SYT17: variants seen among roughly 807,000 people sequenced by gnomAD.
SYT17 encodes the protein synaptotagmin-17.
SYT17 carries 22 observed loss-of-function variants against 46.7 expected under a neutral mutation model. That is an observed-to-expected ratio of 0.47 (90% CI 0.34 to 0.67). The LOEUF (loss-of-function observed/expected upper bound fraction) is 0.67, where lower values mean the gene tolerates loss of function less well. Ranked by LOEUF, SYT17 falls within the 30% of genes least tolerant of loss-of-function variation. The pLI is 0.01. For synonymous variants in SYT17, 251 were observed against 248.4 expected (o/e 1.01, Z -0.10); for missense variants, 519 against 612.8 (o/e 0.85, Z 1.62).
rs1167888004 is a variant in SYT17, at chr16:19,168,292, C to T, written c.-355C>T. The stretch of plus-strand genomic sequence containing the variant: ...CGCCTGCGCTGGGGTCGCTGCAGTC[C>T]CCGCAGCTGCCCCGGGCTGCTTGCC... On this transcript the variant is annotated 5_prime_UTR_variant, in exon 1 of 8. Transcript: ENST00000355377. The surrounding 1 kb of genome is among the most constrained non-coding windows in gnomAD (Gnocchi z 6.9). 1 of 313,266 alleles carries T rather than the reference C, an allele frequency of 3.2e-6. No homozygotes were observed. The highest frequency in any genetic ancestry group is 5.9e-6 in the Non-Finnish European group (1 of 170,256). The allele number at this position is 313,266 out of a possible 1,614,324, so 19.4% of individuals were successfully genotyped here.
At chr16:19,266,607 C>T (rs559419134) in intron 7 of SYT17, among the ~76,000 whole-genome samples, 1 of 152,190 alleles carries the variant, frequency 6.6e-6, no homozygotes, top group African/African-American at 2.4e-5. Flanking sequence ...GCAGAAGGAA[C>T]AGCCAATGCC....
At chr16:19,170,318 T>C (rs1406613907) in intron 1 of SYT17, 3 of 152,058 alleles carry the variant, frequency 2.0e-5, no homozygotes, top group South Asian at 2.1e-4. Flanking sequence ...TTTTTTTTTT[T>C]CAACCTTTTA....
intron 2 of SYT17, 136 bp downstream of exon 2, chr16:19,172,913 A>C (rs779926615): frequency 1.0e-4 from 117 of 1,123,498 alleles, no homozygotes; most frequent in African/African-American, 3.1e-5. Context: ...CACAGTTTCC[A>C]TTCCTTTCTA....
At chr16:19,254,614 C>G (rs1023202957) in intron 7 of SYT17, among the ~76,000 whole-genome samples, 1 of 152,218 alleles carries the variant, frequency 6.6e-6, no homozygotes, top group African/African-American at 2.4e-5. Flanking sequence ...CTTCTGCAGG[C>G]CTTACCTCAT....
intron 3 of SYT17, among the ~76,000 whole-genome samples, chr16:19,176,866 C>T (rs529701184): frequency 1.3e-5 from 2 of 152,204 alleles, no homozygotes; most frequent in South Asian, 2.1e-4. Flanking sequence ...ATCTCAACTC[C>T]ACACACACCT....
rs115290167 is a variant in SYT17, at chr16:19,228,431, C to T, written c.1228+3593C>T. Among the ~76,000 whole-genome samples the T allele has an allele frequency of 6.4e-3, 976 of 152,260 alleles. 8 individuals are homozygous for T. The highest frequency in any genetic ancestry group is 0.022 in the African/African-American group (905 of 41,534). On this transcript the variant is annotated intron_variant, in intron 7 of 7. Coordinates refer to ENST00000355377, the MANE Select transcript of SYT17 (RefSeq NM_016524.4). ...ATTCTTTCTGGAGAAGGAAGCATTG[C>T]CTGCCTGCCCCCTTAAATCAGGGAT...
At chr16:19,169,051 G>A (rs889819286) in intron 1 of SYT17, among the ~76,000 whole-genome samples, 1 of 151,938 alleles carries the variant, frequency 6.6e-6, no homozygotes, top group African/African-American at 2.4e-5. Context: ...TTGCCGTGGT[G>A]ACGGCTCCGG....
At position 19,173,507 on chromosome 16, in the gene SYT17, C is replaced by G; in HGVS notation, c.111C>G (p.Ser37=). 1 of 1,613,900 alleles carries G rather than the reference C, an allele frequency of 6.2e-7. No homozygotes were observed. Among genetic ancestry groups the G allele is most frequent in the South Asian group, 1.1e-5 (1 of 91,056 alleles). ...ACTGCTGTCAGAAGTGCTACGAGTCCAGCTGTTGCCAGTCAAGTGAGGATG... is the reference window on the plus strand; with the variant it reads ...ACTGCTGTCAGAAGTGCTACGAGTCGAGCTGTTGCCAGTCAAGTGAGGATG... ...CRHCCQKCYE[S]SCCQSSEDEV... The change falls in exon 3 of 8, where the codon TCC becomes TCG. Residue 37 remains serine, a synonymous_variant. Coordinates refer to ENST00000355377, the MANE Select transcript of SYT17 (RefSeq NM_016524.4).
rs1477355081 is a variant in SYT17 at position 19,266,947 on chromosome 16, A to AG, written c.1298dup (p.Ser435LeufsTer2). The AG allele has an allele frequency of 1.9e-6, 3 of 1,613,682 alleles. No homozygotes were observed. The highest frequency in any genetic ancestry group is 2.5e-6 in the Non-Finnish European group (3 of 1,179,972). ...GGATCGTCATTGGCCAGTACTCTTC[A>AG]GGCCCCTCTGAGACCAACCACTGGA... On this transcript the variant is annotated frameshift_variant, in exon 8 of 8. Transcript: ENST00000355377. LOFTEE classifies it high-confidence loss of function.
intron 5 of SYT17, among the ~76,000 whole-genome samples, chr16:19,192,622 C>G (rs756124661): frequency 2.6e-5 from 4 of 152,012 alleles, no homozygotes; most frequent in African/African-American, 9.7e-5. Flanking sequence ...CAAGAAGTAC[C>G]GGTGCCAGTT....
rs1337265195 is a variant in SYT17, at chr16:19,204,357, A to T, written c.952-18688A>T. Among the ~76,000 whole-genome samples, 3 of 152,090 alleles carry T rather than the reference A, an allele frequency of 2.0e-5. No individual in the cohort carries two copies. In the East Asian group the frequency reaches 5.8e-4, roughly 29 times the overall value. On this transcript the variant is annotated intron_variant, in intron 5 of 7. Transcript: ENST00000355377. Reference sequence around the variant, plus strand: ...CTTAGATGTGGTGGGGGAGGGATCCAGGAGTGATTTTGGACAGGCATGGGG... The same window carrying T: ...CTTAGATGTGGTGGGGGAGGGATCCTGGAGTGATTTTGGACAGGCATGGGG...
intron 7 of SYT17, among the ~76,000 whole-genome samples, chr16:19,258,223 G>GAGCC (rs777191990): frequency 3.1e-4 from 47 of 152,236 alleles, no homozygotes; most frequent in Non-Finnish European, 4.9e-4. Flanking sequence ...GCTGTAAAAT[G>GAGCC]AGCCAGTGAA....
chr16:19,242,761 TCAAG>T (rs1451819346), intron 7 of SYT17, among the ~76,000 whole-genome samples: 2 of 152,238 alleles, frequency 1.3e-5, no homozygotes, highest in African/African-American at 4.8e-5. Flanking sequence ...ACTCCTGGGC[TCAAG>T]CAATCTGCCC....
At chr16:19,250,209 A>T (rs2142994672) in intron 7 of SYT17, 2 of 916,126 alleles carry the variant, frequency 2.2e-6, no homozygotes, top group East Asian at 6.0e-5. Context: ...TGTAATGAAC[A>T]TTTTGCTGTT....
At chr16:19,197,261 C>A (rs1965284414) in intron 5 of SYT17, among the ~76,000 whole-genome samples, 1 of 152,244 alleles carries the variant, frequency 6.6e-6, no homozygotes, top group Admixed American at 6.5e-5. Flanking sequence ...TCTTACAAAG[C>A]AGCCATTAAC....
chr16:19,181,999 CAA>C (rs371941934), intron 4 of SYT17, among the ~76,000 whole-genome samples: 23 of 81,864 alleles, frequency 2.8e-4, no homozygotes, highest in Non-Finnish European at 3.2e-4. Flanking sequence ...AACTCTGTCT[CAA>C]AAAAAAAAAA....
chr16:19,195,227 G>A (rs1234063677), intron 5 of SYT17, among the ~76,000 whole-genome samples: 1 of 152,160 alleles, frequency 6.6e-6, no homozygotes, highest in African/African-American at 2.4e-5. Context: ...CCATTTTATA[G>A]ATGAAGAAAC....
In SYT17 at chr16:19,168,746, C is replaced by A. The variant is rs915972944; in HGVS notation, c.15+85C>A. The stretch of plus-strand genomic sequence containing the variant: ...GGCTGGGAGCGCGCGGAAGGGAGGG[C>A]CCACGGCTAGGCTCCCACAAACTTG... On this transcript the variant is annotated intron_variant, in intron 1 of 7. Transcript: ENST00000355377. This position sits in a 1 kb window ranked among gnomAD's most constrained non-coding sequence, Gnocchi z 6.9. 1.0e-4 allele frequency: 142 copies of A among 1,393,910 alleles called. 1 individual carries two copies. Among genetic ancestry groups the A allele is most frequent in the Admixed American group, 6.7e-4 (22 of 32,974 alleles). 86.3% of individuals were successfully genotyped at this position (1,393,910 alleles called of 1,614,324 possible). A position where few individuals can be genotyped will look rare whatever the true frequency, so the allele number is the denominator to read the frequency against.
At chr16:19,202,497 C>T (rs1255591691) in intron 5 of SYT17, among the ~76,000 whole-genome samples, 1 of 152,172 alleles carries the variant, frequency 6.6e-6, no homozygotes, top group Non-Finnish European at 1.5e-5. Context: ...TTCTGAATCC[C>T]TTCATTTAGG....
Sources: gnomAD v4.1 joint callset for allele counts (sites outside exome capture counted in the v4.1 genomes callset) on GRCh38, gnomAD v4.1.1 for gene constraint, Gnocchi (gnomAD v3.1) non-coding constraint, MANE v1.5 for transcripts, NCBI Gene and HGNC (gene_info 2026-07-23, HGNC 2026-07-21) for gene names.